Variants in NBN observed in about 807,000 individuals in gnomAD.
NBN encodes the protein nibrin.
NBN carries 88 observed loss-of-function variants against 90.8 expected under a neutral mutation model. The ratio of observed to expected loss-of-function variants is 0.97; its 90% CI spans 0.82 to 1.16. The LOEUF (loss-of-function observed/expected upper bound fraction) is 1.16, where lower values mean the gene tolerates loss of function less well. Among genes scored for constraint, NBN ranks in the 50% most tolerant of loss-of-function variants. The pLI is 0.00. For synonymous variants in NBN, 328 were observed against 295.1 expected (o/e 1.11, Z -1.14); for missense variants, 894 against 869.6 (o/e 1.03, Z -0.35).
chr8:89,952,104 A>G (rs541802892), intron 11 of NBN, among the ~76,000 whole-genome samples: 1 of 152,350 alleles, frequency 6.6e-6, no homozygotes, highest in South Asian at 2.1e-4. Flanking sequence ...AAGAGCAGAA[A>G]GACAGACACC....
At chr8:89,945,829 T>C (rs1323827290) in intron 13 of NBN, among the ~76,000 whole-genome samples, 1 of 152,168 alleles carries the variant, frequency 6.6e-6, no homozygotes, top group African/African-American at 2.4e-5. Flanking sequence ...CCTCAAGTAG[T>C]TGTAGACCAA....
chr8:89,946,061 T>C, intron 13 of NBN, 79 bp downstream of exon 13: 1 of 1,148,888 alleles, frequency 8.7e-7, no homozygotes, highest in Non-Finnish European at 1.3e-6. Context: ...ATAAACTGCT[T>C]TTATCTTTGT....
intron 14 of NBN, 149 bp downstream of exon 14, chr8:89,943,104 G>T: frequency 1.4e-6 from 1 of 724,344 alleles, no homozygotes; most frequent in Admixed American, 2.1e-5. Flanking sequence ...GAAGGGTATA[G>T]ATTAATGCTC....
intron 3 of NBN, among the ~76,000 whole-genome samples, chr8:89,981,156 A>C (rs908713207): frequency 6.6e-6 from 1 of 152,188 alleles, no homozygotes; most frequent in African/African-American, 2.4e-5. Flanking sequence ...TGAGGAATCG[A>C]AGAAATGTAA....
chr8:89,975,289 A>G (rs896477871), intron 5 of NBN, among the ~76,000 whole-genome samples: 21 of 152,216 alleles, frequency 1.4e-4, no homozygotes, highest in African/African-American at 4.8e-4. Flanking sequence ...CTCCTAATTT[A>G]AATCCAGGAC....
rs1157177574 is a variant in NBN, at chr8:89,971,406, ATTTTT to A, written c.585-121_585-117del. 14 of 1,202,886 alleles carry A rather than the reference ATTTTT, an allele frequency of 1.2e-5. No individual in the cohort carries two copies. The South Asian group carries it at 2.3e-4, about 20-fold the overall frequency. 74.5% of individuals were successfully genotyped at this position (1,202,886 alleles called of 1,614,324 possible). On this transcript the variant is annotated intron_variant, in intron 5 of 15. Coordinates refer to ENST00000265433, the MANE Select transcript of NBN (RefSeq NM_002485.5). ...ATAATTTCCATAATACCTTTATAGT[ATTTTT>A]TTTAAGTAAGAATTTTATCTGGGAC...
rs931715719 is a variant in NBN, at chr8:89,982,721, C to T, written c.171+1G>A. Reference sequence around the variant, plus strand: ...CTAGTGAAATAAAATTAGTAACATACCAGGTTGGTTACAGAAAAGTTAGCA... The same window carrying T: ...CTAGTGAAATAAAATTAGTAACATATCAGGTTGGTTACAGAAAAGTTAGCA... On this transcript the variant is annotated splice_donor_variant, in intron 2 of 15. Transcript: ENST00000265433. LOFTEE classifies it high-confidence loss of function. 2.5e-6 allele frequency: 4 copies of T among 1,612,554 alleles called. No homozygotes were observed. Among genetic ancestry groups the T allele is most frequent in the Non-Finnish European group, 3.4e-6 (4 of 1,178,678 alleles).
chr8:89,973,241 A>G (rs1811594028), intron 5 of NBN, among the ~76,000 whole-genome samples: 1 of 152,244 alleles, frequency 6.6e-6, no homozygotes. Context: ...AAATAAACTG[A>G]CATTACAAAA....
rs766237464 is a variant in NBN at position 89,935,607 on chromosome 8, T to C, written c.2240A>G (p.Asn747Ser). The C allele has an allele frequency of 1.2e-6, 2 of 1,608,194 alleles. No individual in the cohort carries two copies. Among genetic ancestry groups the C allele is most frequent in the Non-Finnish European group, 1.7e-6 (2 of 1,175,468 alleles). ...TTATCTTCTCCTTTTTAAATAAGGA[T>C]TGTATCTGCAAAGAAAGAAATGGGG... The part of the protein sequence containing the change: ...ESLADDLFRY[N>S]PYLKRRR Residue 747 changes from asparagine (N) to serine (S), a missense_variant, in exon 16 of 16, where the codon AAT becomes AGT. By Grantham distance (46) the Asn-to-Ser change is conservative. Coordinates refer to ENST00000265433, the MANE Select transcript of NBN (RefSeq NM_002485.5).
At chr8:89,954,696 A>C (rs1427446680) in intron 10 of NBN, among the ~76,000 whole-genome samples, 1 of 152,074 alleles carries the variant, frequency 6.6e-6, no homozygotes, top group East Asian at 1.9e-4. Context: ...CAAAACCTGA[A>C]GGTAGAGTAT....
chr8:89,946,696 ACAGGT>A (rs1249785264), intron 12 of NBN: 1 of 186,002 alleles, frequency 5.4e-6, no homozygotes, highest in Non-Finnish European at 1.1e-5. Flanking sequence ...ATCCTGTTCT[ACAGGT>A]CCTCATCTAC....
intron 7 of NBN, among the ~76,000 whole-genome samples, chr8:89,969,736 C>T (rs1293905909): frequency 6.6e-6 from 1 of 151,228 alleles, no homozygotes; most frequent in Non-Finnish European, 1.5e-5. Context: ...TGGATCATCT[C>T]AGGATGGGAG....
At chr8:89,940,201 T>A (rs1275708937) in intron 14 of NBN, among the ~76,000 whole-genome samples, 1 of 152,196 alleles carries the variant, frequency 6.6e-6, no homozygotes, top group African/African-American at 2.4e-5. Flanking sequence ...TCTTCCCACC[T>A]CAGCCTCCTG....
At chr8:89,963,690 A>T (rs1293022370) in intron 8 of NBN, among the ~76,000 whole-genome samples, 1 of 152,188 alleles carries the variant, frequency 6.6e-6, no homozygotes. Flanking sequence ...CATCTCAGTA[A>T]ATGGCACCAC....
chr8:89,964,726 A>T (rs1014461883), intron 7 of NBN, among the ~76,000 whole-genome samples: 4 of 152,118 alleles, frequency 2.6e-5, no homozygotes, highest in African/African-American at 9.7e-5. Flanking sequence ...TCATCTGTAA[A>T]ATAAGGGGCT....
chr8:89,936,784 G>A (rs778768737), intron 15 of NBN, among the ~76,000 whole-genome samples: 9 of 152,148 alleles, frequency 5.9e-5, no homozygotes, highest in Non-Finnish European at 1.2e-4. Flanking sequence ...TTCGGGAACC[G>A]TCTTTTTGCC....
intron 12 of NBN, 112 bp downstream of exon 12, chr8:89,947,712 A>C (rs1810258684): frequency 1.5e-6 from 1 of 652,980 alleles, no homozygotes; most frequent in Non-Finnish European, 2.8e-6. Context: ...ATCATGAAGT[A>C]AGCCATAATT....
chr8:89,955,240 C>G (rs781276481), intron 10 of NBN, 43 bp downstream of exon 10: 1 of 1,564,540 alleles, frequency 6.4e-7, no homozygotes, highest in Non-Finnish European at 8.8e-7. Context: ...AAAAAACTTT[C>G]ATTTTTTTTT....
chr8:89,934,223 T>C lies in NBN; in HGVS notation c.*1359A>G. On this transcript the variant is annotated 3_prime_UTR_variant, in exon 16 of 16. Transcript: ENST00000265433. ...AATGACTCCATTTCATCAACTAATA[T>C]GCCCTGTCAATTCTACTTCTAAAGT... is the stretch of plus-strand genomic sequence containing the variant. 4.3e-6 allele frequency: 1 copy of C among 231,664 alleles called. No individual in the cohort carries two copies. The highest frequency in any genetic ancestry group is 8.5e-6 in the Non-Finnish European group (1 of 117,130). 14.4% of individuals were successfully genotyped at this position (231,664 alleles called of 1,614,324 possible).
Sources: allele counts gnomAD v4.1 joint callset (sites outside exome capture counted in the v4.1 genomes callset), GRCh38; gene constraint gnomAD v4.1.1; transcripts MANE v1.5; gene names NCBI Gene and HGNC (gene_info 2026-07-23, HGNC 2026-07-21).